Variants in CNOT10 observed in about 807,000 individuals in gnomAD.
The protein encoded by CNOT10 is CCR4-NOT transcription complex subunit 10, also known as CCR4-NOT transcription complex, subunit 10.
Under a neutral mutation model 94.6 loss-of-function variants are expected in CNOT10, and 30 were observed. The ratio of observed to expected loss-of-function variants is 0.32; its 90% CI spans 0.24 to 0.43. The LOEUF (loss-of-function observed/expected upper bound fraction) is 0.43. Among genes scored for constraint, CNOT10 ranks in the 20% least tolerant of loss-of-function variants. CNOT10 has a pLI of 1.00. For missense variants in CNOT10, 759 were observed against 877.2 expected (o/e 0.87, Z 1.70); for synonymous variants, 289 against 301.6 (o/e 0.96, Z 0.43).
intron 13 of CNOT10, among the ~76,000 whole-genome samples, chr3:32,747,854 G>A (rs7613765): frequency 0.039 from 5,994 of 152,134 alleles, 186 homozygotes; most frequent in African/African-American, 0.079. Context: ...AGGCTGAGGC[G>A]GGAGAATTGC....
chr3:32,756,773 A>G (rs1700240001), intron 13 of CNOT10, among the ~76,000 whole-genome samples: 2 of 152,202 alleles, frequency 1.3e-5, no homozygotes, highest in South Asian at 2.1e-4. Context: ...TGCTTTTAAG[A>G]AGCTTATGTT....
rs754038384 is a variant in CNOT10 at position 32,708,734 on chromosome 3, A to G, written c.344A>G (p.Asn115Ser). The G allele has an allele frequency of 6.2e-6, 10 of 1,613,454 alleles. No homozygotes were observed. Among genetic ancestry groups the G allele is most frequent in the Non-Finnish European group, 8.5e-6 (10 of 1,179,760 alleles). ...GTTGAAAACAGCATGTTGTACTATA[A>G]TCAAGCAGTCATTCTTTATCATCTG... ...DDVENSMLYY[N>S]QAVILYHLRQ... Residue 115 changes from asparagine to serine, a missense_variant, in exon 4 of 19, where the codon AAT becomes AGT. Physicochemically the swap from Asn to Ser is conservative, Grantham distance 46. Coordinates refer to ENST00000328834, the MANE Select transcript of CNOT10 (RefSeq NM_015442.3).
At chr3:32,691,574 C>T (rs373608229) in intron 1 of CNOT10, among the ~76,000 whole-genome samples, 26 of 152,064 alleles carry the variant, frequency 1.7e-4, no homozygotes, top group Non-Finnish European at 2.5e-4. Context: ...CCCAAAGTGC[C>T]GATGTGAGCC....
chr3:32,760,199 A>G (rs1559516284), intron 14 of CNOT10, among the ~76,000 whole-genome samples: 1 of 152,110 alleles, frequency 6.6e-6, no homozygotes, highest in Non-Finnish European at 1.5e-5. Context: ...AAAAATAGAC[A>G]AGAATTTGAA....
Position 32,685,425 on chromosome 3 carries a change from C to T in CNOT10, c.-36C>T. 2 of 1,549,944 alleles carry T rather than the reference C, an allele frequency of 1.3e-6. No homozygotes were observed. Among genetic ancestry groups the T allele is most frequent in the Non-Finnish European group, 1.7e-6 (2 of 1,146,610 alleles). On this transcript the variant is annotated 5_prime_UTR_variant, in exon 1 of 19. Transcript: ENST00000328834. ...CCCGGCGGCGGGAGTCAGGGCCACG[C>T]CACCTGCAGGGAAGAACCCGAGTCG...
At chr3:32,756,315 C>A (rs28406520) in intron 13 of CNOT10, among the ~76,000 whole-genome samples, 30,927 of 152,096 alleles carry the variant, frequency 0.2, 4,016 homozygotes, top group African/African-American at 0.36. Flanking sequence ...TTTTTATAGT[C>A]TTTTACCCTG....
At chr3:32,755,077 T>C (rs1281415435) in intron 13 of CNOT10, among the ~76,000 whole-genome samples, 1 of 150,558 alleles carries the variant, frequency 6.6e-6, no homozygotes. Flanking sequence ...TGAAACCTCA[T>C]CTCTACTAAA....
At chr3:32,722,178 T>C (rs1356614191) in intron 8 of CNOT10, among the ~76,000 whole-genome samples, 4 of 152,146 alleles carry the variant, frequency 2.6e-5, no homozygotes, top group Non-Finnish European at 1.5e-5. Flanking sequence ...TTTGGTATGT[T>C]TTGTCTTGTT....
chr3:32,743,100 C>T lies in CNOT10; in HGVS notation c.1595+5610C>T, dbSNP rs543385388. Among the ~76,000 whole-genome samples the T allele has an allele frequency of 2.0e-5, 3 of 151,754 alleles. No individual in the cohort carries two copies. The East Asian group carries it at 5.9e-4, about 30-fold the overall frequency. ...TCCTGAGTTCAAGCAGTTCTCCTGC[C>T]TCAGCCTCCCAAGTAGCTGGAATTA... On this transcript the variant is annotated intron_variant, in intron 13 of 18. Coordinates refer to ENST00000328834, the MANE Select transcript of CNOT10 (RefSeq NM_015442.3).
intron 12 of CNOT10, among the ~76,000 whole-genome samples, chr3:32,737,039 G>T (rs578097919): frequency 1.3e-5 from 2 of 152,122 alleles, no homozygotes; most frequent in African/African-American, 4.8e-5. Context: ...GAGGCCGGGC[G>T]AGGTGAGACA....
chr3:32,757,170 ATTTTTTTTTTT>A (rs1173513009), intron 13 of CNOT10, among the ~76,000 whole-genome samples: 101 of 78,298 alleles, frequency 1.3e-3, no homozygotes, highest in Non-Finnish European at 1.9e-3. Flanking sequence ...CCCTGAACTA[ATTTTTTTTTTT>A]TTTTTTTTTT....
At chr3:32,704,678 A>C in intron 2 of CNOT10, 133 bp from the exon 3 acceptor site, 1 of 953,674 alleles carries the variant, frequency 1.0e-6, no homozygotes, top group Non-Finnish European at 1.5e-6. Flanking sequence ...TTTGATTAGT[A>C]TATGTAGGGA....
At chr3:32,754,518 CTTTTT>C (rs752732319) in intron 13 of CNOT10, among the ~76,000 whole-genome samples, 6 of 61,998 alleles carry the variant, frequency 9.7e-5, no homozygotes, top group Non-Finnish European at 1.6e-4. Context: ...ATTTATTTTA[CTTTTT>C]TTTTTTTTTT....
At chr3:32,762,085 A>G (rs993979386) in intron 14 of CNOT10, among the ~76,000 whole-genome samples, 2 of 150,496 alleles carry the variant, frequency 1.3e-5, no homozygotes, top group African/African-American at 4.9e-5. Flanking sequence ...GAGTTTTAAA[A>G]CTATAAAAGT....
At chr3:32,694,014 A>G (rs1030909569) in intron 1 of CNOT10, among the ~76,000 whole-genome samples, 8 of 151,070 alleles carry the variant, frequency 5.3e-5, no homozygotes, top group African/African-American at 1.9e-4. Flanking sequence ...TTCTCAGGAA[A>G]TTTTTTTTTC....
In CNOT10 at chr3:32,693,293, C is replaced by T. The variant is rs116243133; in HGVS notation, c.22+7811C>T. Among the ~76,000 whole-genome samples the T allele has an allele frequency of 2.3e-3, 343 of 151,030 alleles. 1 individual carries two copies. The highest frequency in any genetic ancestry group is 7.7e-3 in the African/African-American group (317 of 41,120). ...GTACAGGGGCATGATCTTGGCTCAC[C>T]GCAGCCTCGACCTCCCGGATTCAAG... On this transcript the variant is annotated intron_variant, in intron 1 of 18. Transcript: ENST00000328834.
At chr3:32,721,647 CTTTTTT>C (rs746767255) in intron 8 of CNOT10, among the ~76,000 whole-genome samples, 3 of 131,608 alleles carry the variant, frequency 2.3e-5, no homozygotes, top group African/African-American at 2.8e-5. Context: ...ATTACATATT[CTTTTTT>C]TTTTTTTTTT....
chr3:32,734,318 A>G (rs1352569855), intron 11 of CNOT10, among the ~76,000 whole-genome samples: 2 of 152,226 alleles, frequency 1.3e-5, no homozygotes, highest in Non-Finnish European at 2.9e-5. Context: ...AGAAAGTTGT[A>G]TAAAATGTCA....
At chr3:32,710,445 T>C (rs1697835103) in intron 4 of CNOT10, among the ~76,000 whole-genome samples, 1 of 152,112 alleles carries the variant, frequency 6.6e-6, no homozygotes, top group African/African-American at 2.4e-5. Flanking sequence ...CTCAACAGTG[T>C]GGTGCATTTG....
Sources: allele counts gnomAD v4.1 joint callset (sites outside exome capture counted in the v4.1 genomes callset), GRCh38; gene constraint gnomAD v4.1.1; transcripts MANE v1.5; gene names NCBI Gene and HGNC (gene_info 2026-07-23, HGNC 2026-07-21).